The following PIGF variants were observed in gnomAD, a reference collection of about 807,000 sequenced individuals.
PIGF encodes the protein GPI ethanolamine phosphate transferase, stabilizing subunit.
A neutral mutation model predicts 26.0 loss-of-function variants in PIGF; 23 were observed. That is an observed-to-expected ratio of 0.88 (90% CI 0.64 to 1.25). The LOEUF (loss-of-function observed/expected upper bound fraction) is 1.25, where lower values mean the gene tolerates loss of function less well. Ranked by LOEUF, PIGF falls within the 50% of genes most tolerant of loss-of-function variation. PIGF has a pLI of 0.00. For synonymous variants in PIGF, 93 were observed against 92.6 expected (o/e 1.00, Z -0.03); for missense variants, 278 against 249.9 (o/e 1.11, Z -0.76).
intron 4 of PIGF, among the ~76,000 whole-genome samples, chr2:46,608,199 C>A (rs1252354796): frequency 1.3e-5 from 2 of 152,220 alleles, no homozygotes; most frequent in East Asian, 3.8e-4. Context: ...TATCCTAAAT[C>A]CTTTGTTGTC....
chr2:46,612,505 C>G (rs1383801873), intron 3 of PIGF, among the ~76,000 whole-genome samples, 161 bp from the exon 4 acceptor site: 1 of 152,084 alleles, frequency 6.6e-6, no homozygotes, highest in Admixed American at 6.5e-5. Flanking sequence ...ATTTTACCAC[C>G]AACATGTAGC....
chr2:46,605,460 G>A (rs1449861936), intron 4 of PIGF, among the ~76,000 whole-genome samples: 1 of 152,010 alleles, frequency 6.6e-6, no homozygotes, highest in African/African-American at 2.4e-5. Flanking sequence ...ATTGCAGTAA[G>A]GACTGAAAGT....
rs2104082723 is a variant in PIGF at position 46,593,376 on chromosome 2, C to A, written c.438-793G>T. Among the ~76,000 whole-genome samples the A allele has an allele frequency of 2.0e-5, 3 of 152,292 alleles. No homozygotes were observed. The South Asian group carries it at 6.2e-4, about 32-fold the overall frequency. The stretch of plus-strand genomic sequence containing the variant: ...TCGAACTCCTAACCTTGTGATCCAC[C>A]CACCTTGGCCTCCCAAAGTGTTGGG... On this transcript the variant is annotated intron_variant, in intron 4 of 5. Coordinates refer to ENST00000281382, the MANE Select transcript of PIGF (RefSeq NM_002643.4).
At chr2:46,616,683 C>G (rs1320773950) in intron 1 of PIGF, 2 of 155,474 alleles carry the variant, frequency 1.3e-5, no homozygotes, top group Admixed American at 6.3e-5. Flanking sequence ...CCGGGTCCCT[C>G]GGGATTCTGC....
intron 5 of PIGF, chr2:46,581,853 T>C (rs1669392598): frequency 3.2e-6 from 1 of 309,762 alleles, no homozygotes; most frequent in Non-Finnish European, 5.8e-6. Context: ...ATGCTAAAAT[T>C]ACAAATTAAA....
chr2:46,603,655 C>T (rs13032670), intron 4 of PIGF, among the ~76,000 whole-genome samples: 34,590 of 151,730 alleles, frequency 0.23, 4,788 homozygotes, highest in Admixed American at 0.32. Context: ...GATATCCATA[C>T]GCAGAAGAAT....
At chr2:46,590,237 T>A (rs1031814269) in intron 5 of PIGF, among the ~76,000 whole-genome samples, 2 of 152,110 alleles carry the variant, frequency 1.3e-5, no homozygotes, top group African/African-American at 2.4e-5. Flanking sequence ...TTACATTAAT[T>A]TAAAAAGTAA....
Position 46,588,116 on chromosome 2 carries a change from T to C in PIGF, c.546+4359A>G. The C allele has an allele frequency of 6.2e-7, 1 of 1,609,624 alleles. No homozygotes were observed. Among genetic ancestry groups the C allele is most frequent in the Non-Finnish European group, 8.5e-7 (1 of 1,177,876 alleles). ...CAGGATTAAGTTACTCATTTCACAG[T>C]ACCAAGCCCCCTGCAGGGTACATGG... On this transcript the variant is annotated intron_variant, in intron 5 of 5. Transcript: ENST00000281382. The surrounding 1 kb of genome is among the most constrained non-coding windows in gnomAD (Gnocchi z 4.1).
chr2:46,586,997 C>T (rs1279327582), intron 5 of PIGF, among the ~76,000 whole-genome samples: 16 of 152,208 alleles, frequency 1.1e-4, no homozygotes, highest in Admixed American at 9.2e-4. Flanking sequence ...GGTCACAACT[C>T]GTGCAAACGA....
chr2:46,603,058 T>C (rs1670109059), intron 4 of PIGF, among the ~76,000 whole-genome samples: 1 of 152,014 alleles, frequency 6.6e-6, no homozygotes, highest in Admixed American at 6.6e-5. Flanking sequence ...AGCATTTCTA[T>C]ATGCCAACAG....
In PIGF at chr2:46,615,427, T is replaced by C. The variant is rs575704841; in HGVS notation, c.-21-242A>G. On this transcript the variant is annotated intron_variant, in intron 1 of 5. Transcript: ENST00000281382. ...TAAAAAGAACAAATTTACTAATTTC[T>C]TAAATATTGTGACTGGTTTCTGCAA... 1.3e-5 allele frequency: 4 copies of C among 309,568 alleles called. No homozygotes were observed. The South Asian group carries it at 1.6e-4, about 12-fold the overall frequency. 19.2% of individuals were successfully genotyped at this position (309,568 alleles called of 1,614,324 possible). A position where few individuals can be genotyped will look rare whatever the true frequency, so the allele number is the denominator to read the frequency against.
In PIGF at chr2:46,609,077, G is replaced by A. The variant is rs139077477; in HGVS notation, c.437+3151C>T. Among the ~76,000 whole-genome samples the A allele has an allele frequency of 1.2e-3, 190 of 152,312 alleles. 5 individuals carry two copies. In the East Asian group the frequency reaches 0.017, roughly 13 times the overall value. On this transcript the variant is annotated intron_variant, in intron 4 of 5. Coordinates refer to ENST00000281382, the MANE Select transcript of PIGF (RefSeq NM_002643.4). Reference sequence around the variant, plus strand: ...AGATGGCATCTTCTTTCAATAGAAGGCTGTTTTGTCTACATTAAAAATCTG... The same window carrying A: ...AGATGGCATCTTCTTTCAATAGAAGACTGTTTTGTCTACATTAAAAATCTG...
intron 4 of PIGF, among the ~76,000 whole-genome samples, chr2:46,596,143 G>A (rs1306015623): frequency 6.6e-6 from 1 of 151,748 alleles, no homozygotes; most frequent in African/African-American, 2.4e-5. Context: ...GAACCCGGGA[G>A]GCGGAGGTTG....
chr2:46,607,840 G>A (rs1670273837), intron 4 of PIGF, among the ~76,000 whole-genome samples: 1 of 152,002 alleles, frequency 6.6e-6, no homozygotes, highest in Non-Finnish European at 1.5e-5. Context: ...GATTACAGGG[G>A]CCTACCAGCA....
intron 3 of PIGF, among the ~76,000 whole-genome samples, chr2:46,612,714 T>C (rs1319508452): frequency 2.0e-5 from 3 of 152,274 alleles, no homozygotes; most frequent in Non-Finnish European, 2.9e-5. Flanking sequence ...TGAACCACTA[T>C]TGAACCACTA....
rs541239415 is a variant in PIGF at position 46,596,358 on chromosome 2, T to C, written c.438-3775A>G. ...ATCTTATGTTTATTAAAATAAAAAA[T>C]ATGATCATCCAAGAGGTTGCCCTCT... On this transcript the variant is annotated intron_variant, in intron 4 of 5. Transcript: ENST00000281382. 5.9e-5 allele frequency among the ~76,000 whole-genome samples: 9 copies of C among 152,224 alleles called. No homozygotes were observed. In the East Asian group the frequency reaches 1.3e-3, roughly 23 times the overall value.
rs1274759565 is a variant in PIGF, at chr2:46,598,492, C to A, written c.438-5909G>T. Reference sequence around the variant, plus strand: ...GCCCAGGATGGCTTTGAATGTGGCCCAACACAAATTCATAAACTTTCTTAA... The same window carrying A: ...GCCCAGGATGGCTTTGAATGTGGCCAAACACAAATTCATAAACTTTCTTAA... On this transcript the variant is annotated intron_variant, in intron 4 of 5. Coordinates refer to ENST00000281382, the MANE Select transcript of PIGF (RefSeq NM_002643.4). Among the ~76,000 whole-genome samples, 6 of 148,758 alleles carry A rather than the reference C, an allele frequency of 4.0e-5. No homozygotes were observed. In the East Asian group the frequency reaches 1.2e-3, roughly 29 times the overall value.
chr2:46,605,600 T>C (rs1010581798), intron 4 of PIGF, among the ~76,000 whole-genome samples: 3 of 152,174 alleles, frequency 2.0e-5, no homozygotes, highest in Non-Finnish European at 2.9e-5. Context: ...AGTTTTATTC[T>C]AATCATATTA....
intron 4 of PIGF, among the ~76,000 whole-genome samples, chr2:46,605,372 A>T (rs917010290): frequency 6.6e-6 from 1 of 152,038 alleles, no homozygotes; most frequent in African/African-American, 2.4e-5. Flanking sequence ...TAAATGAAAA[A>T]ACCAGCCCTC....
Sources: allele counts gnomAD v4.1 joint callset (sites outside exome capture counted in the v4.1 genomes callset), GRCh38; gene constraint gnomAD v4.1.1; non-coding constraint Gnocchi (gnomAD v3.1); transcripts MANE v1.5; gene names NCBI Gene and HGNC (gene_info 2026-07-23, HGNC 2026-07-21).